TRAF3IP2: variants seen among roughly 807,000 people sequenced by gnomAD.
TRAF3IP2 encodes E3 ubiquitin ligase TRAF3IP2.
TRAF3IP2 carries 35 observed loss-of-function variants against 57.9 expected under a neutral mutation model. That is an observed-to-expected ratio of 0.60 (90% CI 0.46 to 0.80). The LOEUF (loss-of-function observed/expected upper bound fraction) is 0.80. Among genes scored for constraint, TRAF3IP2 ranks in the 30% least tolerant of loss-of-function variants. TRAF3IP2 has a pLI of 0.00. For synonymous variants in TRAF3IP2, 251 were observed against 268.9 expected (o/e 0.93, Z 0.65); for missense variants, 556 against 706.4 (o/e 0.79, Z 2.41).
At chr6:111,596,346 G>A (rs1489963287) in intron 1 of TRAF3IP2, among the ~76,000 whole-genome samples, 3 of 152,136 alleles carry the variant, frequency 2.0e-5, no homozygotes, top group East Asian at 1.9e-4. Context: ...AGGCTGGAGA[G>A]CAGTACCTAG....
intron 1 of TRAF3IP2, chr6:111,600,325 G>A (rs1056666612): frequency 5.3e-5 from 8 of 152,178 alleles, no homozygotes; most frequent in Admixed American, 3.3e-4. Context: ...GTATATATGA[G>A]TCATTTCCGG....
chr6:111,594,912 T>A (rs1318464469), intron 1 of TRAF3IP2, among the ~76,000 whole-genome samples: 1 of 151,738 alleles, frequency 6.6e-6, no homozygotes, highest in Non-Finnish European at 1.5e-5. Context: ...CAAGAACCTG[T>A]CTCAAAAAAT....
chr6:111,582,848 G>C (rs975634694), intron 2 of TRAF3IP2, among the ~76,000 whole-genome samples: 1 of 152,086 alleles, frequency 6.6e-6, no homozygotes, highest in Non-Finnish European at 1.5e-5. Context: ...GGCCCACTAA[G>C]CTCTGGCTTC....
In TRAF3IP2 at chr6:111,591,205, TG is replaced by T; in HGVS notation, c.829+52del. The T allele has an allele frequency of 7.2e-7, 1 of 1,385,264 alleles. No homozygotes were observed. The allele number at this position is 1,385,264 out of a possible 1,614,324, so 85.8% of individuals were successfully genotyped here. On this transcript the variant is annotated intron_variant, in intron 2 of 8. Coordinates refer to ENST00000368761, the MANE Select transcript of TRAF3IP2 (RefSeq NM_147686.4). This position sits in a 1 kb window ranked among gnomAD's most constrained non-coding sequence, Gnocchi z 4.9. ...ACACGAAGCATTGATGTGAGGCCCTTGTTTCTTCAGTCACCCAGCCCAGAAT... is the reference window on the plus strand; with the variant it reads ...ACACGAAGCATTGATGTGAGGCCCTTTTTCTTCAGTCACCCAGCCCAGAAT...
chr6:111,565,647 G>A (rs1297106323), intron 7 of TRAF3IP2, among the ~76,000 whole-genome samples: 1 of 152,000 alleles, frequency 6.6e-6, no homozygotes, highest in Non-Finnish European at 1.5e-5. Context: ...ATCACGGGGA[G>A]AAGGAGGATT....
rs1795862821 is a variant in TRAF3IP2, at chr6:111,572,585, G to A, written c.1290+310C>T. On this transcript the variant is annotated intron_variant, in intron 5 of 8. Coordinates refer to ENST00000368761, the MANE Select transcript of TRAF3IP2 (RefSeq NM_147686.4). ...TGGTGAGAAAGGACAAAGGTACAAA[G>A]TGCAGCAAGAGCCCGGCGTTTCCTT... 3 of 266,382 alleles carry A rather than the reference G, an allele frequency of 1.1e-5. No individual in the cohort carries two copies. In the East Asian group the frequency reaches 2.2e-4, roughly 20 times the overall value. 16.5% of individuals were successfully genotyped at this position (266,382 alleles called of 1,614,324 possible).
rs1394138044 is a variant in TRAF3IP2, at chr6:111,601,418, G to A, written c.-9+4358C>T. 6.2e-6 allele frequency: 3 copies of A among 480,626 alleles called. No individual in the cohort carries two copies. In the Admixed American group the frequency reaches 1.1e-4, roughly 17 times the overall value. 29.8% of individuals were successfully genotyped at this position (480,626 alleles called of 1,614,324 possible). On this transcript the variant is annotated intron_variant, in intron 1 of 8. Transcript: ENST00000368761. ...CTGGTTGACAGAGCACCAACAAAGGGTGATGATAAATGGTGATGCATCTAG... is the reference window on the plus strand; with the variant it reads ...CTGGTTGACAGAGCACCAACAAAGGATGATGATAAATGGTGATGCATCTAG...
chr6:111,599,479 C>T (rs770585040), intron 1 of TRAF3IP2, among the ~76,000 whole-genome samples: 2 of 152,202 alleles, frequency 1.3e-5, no homozygotes, highest in African/African-American at 2.4e-5. Flanking sequence ...GTCCATGTGA[C>T]AATGCTCCCT....
chr6:111,569,108 CTGT>C (rs1269170224), intron 5 of TRAF3IP2, among the ~76,000 whole-genome samples: 2 of 152,094 alleles, frequency 1.3e-5, no homozygotes, highest in Admixed American at 1.3e-4. Flanking sequence ...AATGGAATGG[CTGT>C]TATTTTGGTT....
chr6:111,562,942 AT>A, intron 8 of TRAF3IP2, 22 bp downstream of exon 8: 3 of 1,571,166 alleles, frequency 1.9e-6, no homozygotes, highest in Non-Finnish European at 2.6e-6. Context: ...AATTATGAGG[AT>A]TTTGTTTCTT....
chr6:111,563,386 C>T (rs2075965), intron 7 of TRAF3IP2, among the ~76,000 whole-genome samples: 34,193 of 151,852 alleles, frequency 0.23, 4,569 homozygotes, highest in East Asian at 0.48. Flanking sequence ...TTGAAATTGG[C>T]GATGGTATTG....
chr6:111,601,137 T>A, intron 1 of TRAF3IP2: 1 of 731,458 alleles, frequency 1.4e-6, no homozygotes, highest in Non-Finnish European at 2.6e-6. Flanking sequence ...AGAAAGGGGA[T>A]GGGGAAGCCA....
chr6:111,566,410 G>C, intron 7 of TRAF3IP2, 34 bp downstream of exon 7: 1 of 1,519,936 alleles, frequency 6.6e-7, no homozygotes, highest in South Asian at 1.1e-5. Flanking sequence ...ATCCCCAGGG[G>C]ACAGTGAGGT....
chr6:111,573,073 T>C, intron 4 of TRAF3IP2, 90 bp from the exon 5 acceptor site: 1 of 1,048,822 alleles, frequency 9.5e-7, no homozygotes, highest in Non-Finnish European at 1.4e-6. Context: ...CTTTTGTCCT[T>C]CTAGAATAAT....
chr6:111,578,808 T>C (rs1796073052), intron 3 of TRAF3IP2, among the ~76,000 whole-genome samples: 2 of 152,238 alleles, frequency 1.3e-5, no homozygotes, highest in Admixed American at 1.3e-4. Flanking sequence ...TCTGTATTTC[T>C]GAAAAATCCA....
At chr6:111,571,403 G>T (rs1182748979) in intron 5 of TRAF3IP2, among the ~76,000 whole-genome samples, 1 of 151,838 alleles carries the variant, frequency 6.6e-6, no homozygotes, top group African/African-American at 2.4e-5. Context: ...GTCGTGATGG[G>T]GTTTCCCCAT....
At chr6:111,561,192 A>C (rs1456686332) in intron 8 of TRAF3IP2, among the ~76,000 whole-genome samples, 2 of 149,658 alleles carry the variant, frequency 1.3e-5, no homozygotes, top group Admixed American at 6.7e-5. Flanking sequence ...AAAAAAAAAA[A>C]ACACTTTGGG....
At chr6:111,582,360 T>C (rs1796193950) in intron 2 of TRAF3IP2, among the ~76,000 whole-genome samples, 1 of 151,986 alleles carries the variant, frequency 6.6e-6, no homozygotes, top group South Asian at 2.1e-4. Flanking sequence ...TTAGGCCTGG[T>C]CATGACAAGT....
intron 2 of TRAF3IP2, among the ~76,000 whole-genome samples, chr6:111,590,407 G>T (rs574646597): frequency 2.6e-5 from 4 of 152,326 alleles, no homozygotes; most frequent in African/African-American, 9.6e-5. Context: ...GAGGTTTCCA[G>T]AGGGACACTT....
Sources: gnomAD v4.1 joint callset for allele counts (sites outside exome capture counted in the v4.1 genomes callset) on GRCh38, gnomAD v4.1.1 for gene constraint, Gnocchi (gnomAD v3.1) non-coding constraint, MANE v1.5 for transcripts, NCBI Gene and HGNC (gene_info 2026-07-23, HGNC 2026-07-21) for gene names.